LINGO2: variants seen among roughly 807,000 people sequenced by gnomAD.
The protein encoded by LINGO2 is leucine rich repeat and Ig domain containing 2, also known as leucine-rich repeat and immunoglobulin-like domain-containing nogo receptor-interacting protein 2.
In LINGO2, 14 loss-of-function variants were observed where a neutral mutation model predicts 30.6. That is an observed-to-expected ratio of 0.46 (90% CI 0.30 to 0.72). The LOEUF (loss-of-function observed/expected upper bound fraction) is 0.72. LINGO2 is among the 30% of genes least tolerant of loss of function. The pLI is 0.07. For missense variants in LINGO2, 729 were observed against 751.7 expected, an observed-to-expected ratio of 0.97 and a Z score of 0.35; for synonymous variants, 317 against 288.5, an observed-to-expected ratio of 1.10 and a Z score of -1.00.
the LINGO2 span, among the ~76,000 whole-genome samples, chr9:28,734,542 A>C: frequency 6.6e-6 from 1 of 152,130 alleles, no homozygotes; most frequent in Non-Finnish European, 1.5e-5. Context: ...GTGTTACGTA[A>C]GTCACTTTCC....
chr9:28,387,992 C>A (rs778525826), intron 2 of LINGO2, among the ~76,000 whole-genome samples: 2 of 152,162 alleles, frequency 1.3e-5, no homozygotes, highest in Non-Finnish European at 2.9e-5. Flanking sequence ...CAATTCTGGA[C>A]ACAGCATGCC....
chr9:28,397,386 T>C (rs185810602), intron 2 of LINGO2, among the ~76,000 whole-genome samples: 522 of 149,072 alleles, frequency 3.5e-3, no homozygotes, highest in Non-Finnish European at 5.9e-3. Flanking sequence ...TATATATATA[T>C]ACACACATTA....
intron 4 of LINGO2, among the ~76,000 whole-genome samples, chr9:28,174,101 TG>T (rs1178801574): frequency 6.6e-6 from 1 of 152,160 alleles, no homozygotes; most frequent in Non-Finnish European, 1.5e-5. Context: ...AACAGAATAA[TG>T]GGAAAATGCA....
At chr9:28,353,350 A>G (rs1819997590) in intron 3 of LINGO2, among the ~76,000 whole-genome samples, 1 of 150,730 alleles carries the variant, frequency 6.6e-6, no homozygotes, top group South Asian at 2.1e-4. Context: ...AAGGACATGA[A>G]CAGACACTTC....
At chr9:28,753,712 G>C in the LINGO2 span, among the ~76,000 whole-genome samples, 2 of 150,960 alleles carry the variant, frequency 1.3e-5, no homozygotes, top group African/African-American at 4.9e-5. Context: ...TTATCTTAAA[G>C]TTTAGAAATG....
the LINGO2 span, among the ~76,000 whole-genome samples, chr9:28,961,669 G>A: frequency 6.6e-6 from 1 of 152,146 alleles, no homozygotes; most frequent in Admixed American, 6.6e-5. Context: ...GGAGAGTTCT[G>A]TGCTGAATTT....
At chr9:28,022,848 C>G (rs1823198292) in intron 4 of LINGO2, among the ~76,000 whole-genome samples, 1 of 142,714 alleles carries the variant, frequency 7.0e-6, no homozygotes, top group African/African-American at 2.5e-5. Context: ...TCCTACAACT[C>G]TGGATGTTCT....
the LINGO2 span, among the ~76,000 whole-genome samples, chr9:29,159,647 A>C: frequency 1.3e-5 from 2 of 152,250 alleles, no homozygotes; most frequent in South Asian, 4.1e-4. Flanking sequence ...ACCTGAGGTC[A>C]GGAGTTCGAG....
chr9:29,024,401 C>T, the LINGO2 span, among the ~76,000 whole-genome samples: 1 of 151,986 alleles, frequency 6.6e-6, no homozygotes, highest in African/African-American at 2.4e-5. Flanking sequence ...ATGGTAAAGG[C>T]TCAATAAAGG....
At chr9:28,100,680 G>C (rs1826388625) in intron 4 of LINGO2, among the ~76,000 whole-genome samples, 1 of 152,110 alleles carries the variant, frequency 6.6e-6, no homozygotes, top group Non-Finnish European at 1.5e-5. Context: ...AAAGACCCCT[G>C]TGCAAATTGA....
At chr9:28,534,384 G>C (rs1438989503) in intron 1 of LINGO2, among the ~76,000 whole-genome samples, 1 of 152,122 alleles carries the variant, frequency 6.6e-6, no homozygotes, top group Non-Finnish European at 1.5e-5. Context: ...ATATACTATA[G>C]AGCATGCACT....
intron 4 of LINGO2, among the ~76,000 whole-genome samples, chr9:28,046,806 GAACAC>G (rs1215911558): frequency 6.6e-6 from 1 of 152,104 alleles, no homozygotes; most frequent in African/African-American, 2.4e-5. Context: ...ATGTGGCCAA[GAACAC>G]AACATTGTTG....
Position 27,949,381 on chromosome 9 carries a change from C to T in LINGO2, c.1291G>A (p.Glu431Lys), listed in dbSNP as rs771459715. 7.4e-6 allele frequency: 12 copies of T among 1,614,016 alleles called. No individual in the cohort carries two copies. The highest frequency in any genetic ancestry group is 1.0e-5 in the Non-Finnish European group (12 of 1,180,008). Residue 431 changes from glutamate (E) to lysine (K), a missense_variant, in exon 6 of 6, where the codon GAA becomes AAA. By Grantham distance (56) the Glu-to-Lys change is moderately conservative. Coordinates refer to ENST00000379992, the Ensembl canonical transcript of LINGO2. ...TGCGGGTCTCCATCTGCACTGCATTCTAGCTGGACTGTCTGCCCTTCATCT... is the reference window on the plus strand; with the variant it reads ...TGCGGGTCTCCATCTGCACTGCATTTTAGCTGGACTGTCTGCCCTTCATCT...
the LINGO2 span, among the ~76,000 whole-genome samples, chr9:28,879,486 T>A: frequency 6.6e-6 from 1 of 152,168 alleles, no homozygotes; most frequent in Non-Finnish European, 1.5e-5. Context: ...AACAATCTTT[T>A]CCAGGAAATT....
intron 1 of LINGO2, among the ~76,000 whole-genome samples, chr9:28,476,518 T>G (rs7860359): frequency 0.031 from 4,712 of 152,134 alleles, 175 homozygotes; most frequent in East Asian, 0.098. Context: ...CTCGTGATCC[T>G]CCCGCCGCGG....
chr9:28,207,030 A>G (rs1202421713), intron 4 of LINGO2, among the ~76,000 whole-genome samples: 1 of 152,192 alleles, frequency 6.6e-6, no homozygotes, highest in East Asian at 1.9e-4. Context: ...TTTAACTGTT[A>G]GAGGTATGAA....
Position 28,129,339 on chromosome 9 carries a change from G to T in LINGO2, c.-86-116934C>A, listed in dbSNP as rs1827322189. On this transcript the variant is annotated intron_variant, in intron 4 of 5. Transcript: ENST00000379992. The surrounding 1 kb of genome is among the most constrained non-coding windows in gnomAD (Gnocchi z 4.0). ...ACCCTGACTAATACACCCATGTTTG[G>T]TTCTTGTTTTGTTGTGTAACTGTGT... Among the ~76,000 whole-genome samples the T allele has an allele frequency of 6.6e-6, 1 of 152,128 alleles. No homozygotes were observed. The highest frequency in any genetic ancestry group is 1.5e-5 in the Non-Finnish European group (1 of 68,032).
At chr9:29,049,906 C>T in the LINGO2 span, among the ~76,000 whole-genome samples, 1 of 151,944 alleles carries the variant, frequency 6.6e-6, no homozygotes, top group African/African-American at 2.4e-5. Context: ...TGGCTATAGT[C>T]AATAATAACT....
the LINGO2 span, among the ~76,000 whole-genome samples, chr9:29,071,000 T>C: frequency 6.6e-6 from 1 of 150,778 alleles, no homozygotes; most frequent in African/African-American, 2.4e-5. Flanking sequence ...AATCTATCAT[T>C]CCATTAGAAA....
Sources: gnomAD v4.1 joint callset for allele counts (sites outside exome capture counted in the v4.1 genomes callset) on GRCh38, gnomAD v4.1.1 for gene constraint, Gnocchi (gnomAD v3.1) non-coding constraint, MANE v1.5 for transcripts, NCBI Gene and HGNC (gene_info 2026-07-23, HGNC 2026-07-21) for gene names.